Variants in KIRREL3 observed in about 807,000 individuals in gnomAD.
KIRREL3 encodes kin of IRRE-like protein 3.
KIRREL3 carries 36 observed loss-of-function variants against 89.7 expected under a neutral mutation model. That is an observed-to-expected ratio of 0.40 (90% CI 0.31 to 0.53). KIRREL3 has a LOEUF of 0.53. KIRREL3 is among the 20% of genes least tolerant of loss of function. The pLI is 0.49. For synonymous variants in KIRREL3, 445 were observed against 441.4 expected, an observed-to-expected ratio of 1.01 and a Z score of -0.10; for missense variants, 864 against 1,056.6, an observed-to-expected ratio of 0.82 and a Z score of 2.53.
chr11:126,976,501 A>G lies in KIRREL3; in HGVS notation c.55+23954T>C, dbSNP rs575190739. 1.9e-4 allele frequency among the ~76,000 whole-genome samples: 29 copies of G among 152,126 alleles called. No individual in the cohort carries two copies. The highest frequency in any genetic ancestry group is 4.1e-4 in the Non-Finnish European group (28 of 67,994). ...ATTTTACTTTTTTAAAAAGTGTGACATTTTTCCAGACTCTCCTATTTTGCA... is the reference window on the plus strand; with the variant it reads ...ATTTTACTTTTTTAAAAAGTGTGACGTTTTTCCAGACTCTCCTATTTTGCA... On this transcript the variant is annotated intron_variant, in intron 1 of 16. Transcript: ENST00000525144. This position sits in a 1 kb window ranked among gnomAD's most constrained non-coding sequence, Gnocchi z 4.2.
In KIRREL3 at chr11:126,976,045, G is replaced by A. The variant is rs1392911910; in HGVS notation, c.55+24410C>T. Reference sequence around the variant, plus strand: ...GACAGAGCATACCCATTCCAGATGTGGGTCACATCAGCAGAGGGTGCCATG... The same window carrying A: ...GACAGAGCATACCCATTCCAGATGTAGGTCACATCAGCAGAGGGTGCCATG... On this transcript the variant is annotated intron_variant, in intron 1 of 16. Coordinates refer to ENST00000525144, the MANE Select transcript of KIRREL3 (RefSeq NM_032531.4). The surrounding 1 kb of genome is among the most constrained non-coding windows in gnomAD (Gnocchi z 4.2). Among the ~76,000 whole-genome samples the A allele has an allele frequency of 6.6e-6, 1 of 151,094 alleles. No homozygotes were observed. Among genetic ancestry groups the A allele is most frequent in the Non-Finnish European group, 1.5e-5 (1 of 67,904 alleles).
At chr11:126,733,746 C>T (rs1271226703) in intron 1 of KIRREL3, among the ~76,000 whole-genome samples, 1 of 152,164 alleles carries the variant, frequency 6.6e-6, no homozygotes, top group African/African-American at 2.4e-5. Context: ...TTCCCTTAGC[C>T]CTTTTTTTCC....
intron 5 of KIRREL3, among the ~76,000 whole-genome samples, chr11:126,464,889 A>T (rs1274530940): frequency 6.6e-6 from 1 of 152,198 alleles, no homozygotes; most frequent in Non-Finnish European, 1.5e-5. Context: ...AAGCAAACCC[A>T]TCTTAACTGC....
rs1950556308 is a variant in KIRREL3 at position 126,788,808 on chromosome 11, G to T, written c.55+211647C>A. 6.6e-6 allele frequency among the ~76,000 whole-genome samples: 1 copy of T among 152,192 alleles called. No homozygotes were observed. On this transcript the variant is annotated intron_variant, in intron 1 of 16. Transcript: ENST00000525144. The surrounding 1 kb of genome is among the most constrained non-coding windows in gnomAD (Gnocchi z 4.1). The stretch of plus-strand genomic sequence containing the variant: ...TGTATTATCCGCATCATAGGGCAAG[G>T]AGAGAGAAATAATAGACTCTTCGGT...
intron 1 of KIRREL3, among the ~76,000 whole-genome samples, chr11:126,707,246 CTTT>C (rs33983436): frequency 6.5e-4 from 73 of 112,544 alleles, no homozygotes; most frequent in African/African-American, 1.3e-3. Flanking sequence ...TTGTCCATGG[CTTT>C]TTTTTTTTTT....
intron 1 of KIRREL3, among the ~76,000 whole-genome samples, chr11:126,674,656 C>A (rs551109153): frequency 6.6e-6 from 1 of 152,286 alleles, no homozygotes; most frequent in South Asian, 2.1e-4. Flanking sequence ...CATTTCTCTT[C>A]CAAATTTCAT....
At chr11:126,447,226 A>T (rs1198065980) in intron 8 of KIRREL3, among the ~76,000 whole-genome samples, 1 of 152,118 alleles carries the variant, frequency 6.6e-6, no homozygotes, top group African/African-American at 2.4e-5. Flanking sequence ...CTCTGTCTGG[A>T]TCACGCCCGG....
Position 126,903,917 on chromosome 11 carries a change from C to G in KIRREL3, c.55+96538G>C, listed in dbSNP as rs896155049. Among the ~76,000 whole-genome samples the G allele has an allele frequency of 6.6e-6, 1 of 152,166 alleles. No homozygotes were observed. The highest frequency in any genetic ancestry group is 1.5e-5 in the Non-Finnish European group (1 of 68,008). On this transcript the variant is annotated intron_variant, in intron 1 of 16. Transcript: ENST00000525144. This position sits in a 1 kb window ranked among gnomAD's most constrained non-coding sequence, Gnocchi z 4.5. Reference sequence around the variant, plus strand: ...GCTTGCATTAGCTTCAGGTGCCCAACAATGAAAGTAATCCCTTGGTTCACC... The same window carrying G: ...GCTTGCATTAGCTTCAGGTGCCCAAGAATGAAAGTAATCCCTTGGTTCACC...
Position 126,696,178 on chromosome 11 carries a change from A to G in KIRREL3, c.56-133266T>C, listed in dbSNP as rs927813130. On this transcript the variant is annotated intron_variant, in intron 1 of 16. Coordinates refer to ENST00000525144, the MANE Select transcript of KIRREL3 (RefSeq NM_032531.4). The surrounding 1 kb of genome is among the most constrained non-coding windows in gnomAD (Gnocchi z 4.4). ...AGGCTGAGGTATGAGAATTGCTTGAACCTGAGTGGCAGAGGTTGCAGTGAG... is the reference window on the plus strand; with the variant it reads ...AGGCTGAGGTATGAGAATTGCTTGAGCCTGAGTGGCAGAGGTTGCAGTGAG... 9.3e-5 allele frequency among the ~76,000 whole-genome samples: 14 copies of G among 150,420 alleles called. No individual in the cohort carries two copies. Among genetic ancestry groups the G allele is most frequent in the Non-Finnish European group, 1.9e-4 (13 of 67,648 alleles).
chr11:126,893,163 G>A (rs745866531), intron 1 of KIRREL3, among the ~76,000 whole-genome samples: 9 of 152,118 alleles, frequency 5.9e-5, no homozygotes, highest in Non-Finnish European at 1.0e-4. Flanking sequence ...CCTCACATCC[G>A]TCAAACAACT....
At chr11:126,536,859 A>T (rs1169359814) in intron 2 of KIRREL3, among the ~76,000 whole-genome samples, 1 of 152,092 alleles carries the variant, frequency 6.6e-6, no homozygotes, top group African/African-American at 2.4e-5. Flanking sequence ...TGACCAGGCC[A>T]GTCTCGAACT....
chr11:126,589,353 G>A (rs1481613297), intron 1 of KIRREL3, among the ~76,000 whole-genome samples: 2 of 152,180 alleles, frequency 1.3e-5, no homozygotes, highest in African/African-American at 2.4e-5. Flanking sequence ...CTGGATGGGG[G>A]CACTGTGGCC....
rs1311665134 is a variant in KIRREL3 at position 126,476,287 on chromosome 11, AGGG to A, written c.434-2824_434-2822del. 3.3e-5 allele frequency among the ~76,000 whole-genome samples: 5 copies of A among 152,280 alleles called. No individual in the cohort carries two copies. The South Asian group carries it at 1.0e-3, about 32-fold the overall frequency. On this transcript the variant is annotated intron_variant, in intron 4 of 16. Transcript: ENST00000525144. The surrounding 1 kb of genome is among the most constrained non-coding windows in gnomAD (Gnocchi z 6.4). ...GCATCAGGACTTTGGGGAGCTCCCC[AGGG>A]GGTCCCATGGCAGGACCAGCTTTCT...
intron 1 of KIRREL3, among the ~76,000 whole-genome samples, chr11:126,829,203 G>T (rs1319156973): frequency 1.3e-5 from 2 of 152,216 alleles, no homozygotes; most frequent in African/African-American, 4.8e-5. Context: ...CTCCTGCGGA[G>T]TGTCCATCCC....
intron 1 of KIRREL3, among the ~76,000 whole-genome samples, chr11:126,902,197 G>A (rs546029696): frequency 1.8e-4 from 27 of 152,138 alleles, no homozygotes; most frequent in African/African-American, 4.1e-4. Context: ...CTGATAGCTC[G>A]TCCACCAAAA....
chr11:126,514,886 G>GTT (rs2134409420), intron 4 of KIRREL3, among the ~76,000 whole-genome samples: 2 of 151,392 alleles, frequency 1.3e-5, no homozygotes, highest in South Asian at 4.2e-4. Flanking sequence ...ATTGTCATCC[G>GTT]TGTTTGGGGC....
chr11:126,939,349 G>GAC (rs1333912531), intron 1 of KIRREL3, among the ~76,000 whole-genome samples: 4 of 152,092 alleles, frequency 2.6e-5, no homozygotes, highest in Non-Finnish European at 5.9e-5. Context: ...CCCCATCAAA[G>GAC]ACAAGTAATT....
rs1219084503 is a variant in KIRREL3, at chr11:126,754,744, G to A, written c.56-191832C>T. Among the ~76,000 whole-genome samples, 2 of 152,100 alleles carry A rather than the reference G, an allele frequency of 1.3e-5. No homozygotes were observed. The highest frequency in any genetic ancestry group is 1.5e-5 in the Non-Finnish European group (1 of 68,016). On this transcript the variant is annotated intron_variant, in intron 1 of 16. Coordinates refer to ENST00000525144, the MANE Select transcript of KIRREL3 (RefSeq NM_032531.4). This position sits in a 1 kb window ranked among gnomAD's most constrained non-coding sequence, Gnocchi z 5.1. Reference sequence around the variant, plus strand: ...AAGTGCAGGTCTTGATTAAGGCTTTGGGTCTACAGGTTGGAAGGATAGAAG... The same window carrying A: ...AAGTGCAGGTCTTGATTAAGGCTTTAGGTCTACAGGTTGGAAGGATAGAAG...
In KIRREL3 at chr11:126,458,022, C is replaced by T. The variant is rs554570063; in HGVS notation, c.743-1568G>A. ...TGGGCTCCTGGTGGCCCCCAGGCCT[C>T]GGCACCCCCGGGGCATCCACACGCC... On this transcript the variant is annotated intron_variant, in intron 6 of 16. Coordinates refer to ENST00000525144, the MANE Select transcript of KIRREL3 (RefSeq NM_032531.4). Among the ~76,000 whole-genome samples, 13 of 152,102 alleles carry T rather than the reference C, an allele frequency of 8.5e-5. No homozygotes were observed. The East Asian group carries it at 2.3e-3, about 27-fold the overall frequency.
Sources: allele counts gnomAD v4.1 joint callset (sites outside exome capture counted in the v4.1 genomes callset), GRCh38; gene constraint gnomAD v4.1.1; non-coding constraint Gnocchi (gnomAD v3.1); transcripts MANE v1.5; gene names NCBI Gene and HGNC (gene_info 2026-07-23, HGNC 2026-07-21).